The following SNTG1 variants were observed in gnomAD, a reference collection of about 807,000 sequenced individuals.
SNTG1 encodes the protein gamma-1-syntrophin.
SNTG1 carries 39 observed loss-of-function variants against 74.7 expected under a neutral mutation model. That is an observed-to-expected ratio of 0.52 (90% CI 0.40 to 0.68). SNTG1 has a LOEUF of 0.68. SNTG1 is among the 30% of genes least tolerant of loss of function. SNTG1 has a pLI of 0.00. For synonymous variants in SNTG1, 254 were observed against 217.1 expected (o/e 1.17, Z -1.49); for missense variants, 685 against 609.5 (o/e 1.12, Z -1.30).
At chr8:50,369,811 T>G (rs2092224337) in intron 2 of SNTG1, among the ~76,000 whole-genome samples, 1 of 152,200 alleles carries the variant, frequency 6.6e-6, no homozygotes, top group Admixed American at 6.5e-5. Context: ...GTATTTATTA[T>G]GGCAGCCCAA....
At chr8:50,260,915 T>A (rs963037313) in intron 2 of SNTG1, among the ~76,000 whole-genome samples, 4 of 151,880 alleles carry the variant, frequency 2.6e-5, no homozygotes, top group Admixed American at 2.6e-4. Context: ...ATAAATACAA[T>A]AGCTATAACA....
chr8:50,424,746 A>T (rs1299548196), intron 4 of SNTG1, among the ~76,000 whole-genome samples: 1 of 152,206 alleles, frequency 6.6e-6, no homozygotes, highest in Non-Finnish European at 1.5e-5. Flanking sequence ...GAGGAGTTTT[A>T]CTGTTCTTTA....
At chr8:50,232,088 T>A (rs923321807) in intron 2 of SNTG1, among the ~76,000 whole-genome samples, 11 of 151,400 alleles carry the variant, frequency 7.3e-5, no homozygotes, top group Non-Finnish European at 1.6e-4. Flanking sequence ...TTCATTTTAA[T>A]GAAGCTAGCA....
intron 1 of SNTG1, among the ~76,000 whole-genome samples, chr8:50,128,595 C>T (rs1349925830): frequency 6.6e-6 from 1 of 151,926 alleles, no homozygotes; most frequent in Non-Finnish European, 1.5e-5. Flanking sequence ...ATTCCAATAC[C>T]GTGACTTAAA....
chr8:50,763,330 G>C (rs1242304501), intron 18 of SNTG1, among the ~76,000 whole-genome samples: 1 of 151,818 alleles, frequency 6.6e-6, no homozygotes, highest in Non-Finnish European at 1.5e-5. Context: ...TAGAAAGGGG[G>C]TGTTTAGTTT....
chr8:50,084,129 T>C (rs571699455), intron 1 of SNTG1, among the ~76,000 whole-genome samples: 1 of 152,216 alleles, frequency 6.6e-6, no homozygotes, highest in Non-Finnish European at 1.5e-5. Flanking sequence ...TCGGGGGAAA[T>C]GTTGTGCTAA....
chr8:50,101,738 G>A (rs1368978772), intron 1 of SNTG1, among the ~76,000 whole-genome samples: 1 of 151,372 alleles, frequency 6.6e-6, no homozygotes, highest in African/African-American at 2.4e-5. Context: ...TCCCCAGAGT[G>A]TAATGTTCCC....
At chr8:50,099,837 G>GT (rs1042848802) in intron 1 of SNTG1, among the ~76,000 whole-genome samples, 12 of 151,954 alleles carry the variant, frequency 7.9e-5, no homozygotes, top group Non-Finnish European at 1.3e-4. Flanking sequence ...ATTATTTGCA[G>GT]TTTTTTTGCT....
chr8:50,449,585 C>A, intron 5 of SNTG1, 83 bp from the exon 6 acceptor site: 1 of 1,009,330 alleles, frequency 9.9e-7, no homozygotes, highest in Non-Finnish European at 1.4e-6. Flanking sequence ...CTTAACATTC[C>A]CTTCAGAGCC....
intron 2 of SNTG1, among the ~76,000 whole-genome samples, chr8:50,304,987 C>T (rs2089821045): frequency 6.6e-6 from 1 of 152,106 alleles, no homozygotes; most frequent in African/African-American, 2.4e-5. Flanking sequence ...ACTGCAACCT[C>T]CACCTCCCAG....
chr8:49,930,237 A>G (rs1291036583), intron 1 of SNTG1, among the ~76,000 whole-genome samples: 1 of 139,368 alleles, frequency 7.2e-6, no homozygotes, highest in Non-Finnish European at 1.5e-5. Flanking sequence ...ACAATACATA[A>G]AATAGAAAAC....
chr8:50,003,122 C>A (rs1263568226), intron 1 of SNTG1, among the ~76,000 whole-genome samples: 3 of 152,084 alleles, frequency 2.0e-5, no homozygotes, highest in African/African-American at 7.2e-5. Flanking sequence ...ATCTACTGGG[C>A]ACAAGCATTT....
intron 13 of SNTG1, among the ~76,000 whole-genome samples, chr8:50,633,691 C>T (rs910851755): frequency 3.9e-5 from 6 of 152,092 alleles, no homozygotes; most frequent in Non-Finnish European, 5.9e-5. Context: ...ACCATCCAAA[C>T]GAGCTGGGGA....
At chr8:50,619,359 G>A (rs1051863257) in intron 13 of SNTG1, among the ~76,000 whole-genome samples, 2 of 152,112 alleles carry the variant, frequency 1.3e-5, no homozygotes, top group African/African-American at 4.8e-5. Context: ...TCTGCTTTCT[G>A]TTCAGTGTTG....
intron 2 of SNTG1, among the ~76,000 whole-genome samples, chr8:50,257,639 G>A (rs958452722): frequency 3.3e-5 from 5 of 152,122 alleles, no homozygotes; most frequent in Non-Finnish European, 5.9e-5. Context: ...AGTCCTTGGC[G>A]ATGGCCTTGA....
chr8:50,574,413 C>T (rs960951316), intron 12 of SNTG1, among the ~76,000 whole-genome samples: 10 of 151,858 alleles, frequency 6.6e-5, no homozygotes, highest in African/African-American at 2.4e-4. Context: ...TAAACGTGTG[C>T]CTTAATTATA....
chr8:50,780,932 T>G (rs1427607794), intron 18 of SNTG1, among the ~76,000 whole-genome samples: 1 of 152,216 alleles, frequency 6.6e-6, no homozygotes, highest in Non-Finnish European at 1.5e-5. Context: ...TCAAAGAACA[T>G]CTTTATTTCT....
chr8:50,486,848 T>G (rs1013601124), intron 8 of SNTG1, among the ~76,000 whole-genome samples: 32 of 151,878 alleles, frequency 2.1e-4, no homozygotes, highest in African/African-American at 7.7e-4. Context: ...TTATTGAGAG[T>G]TTTTAGCATG....
rs527339037 is a variant in SNTG1, at chr8:49,984,757, G to C, written c.-103+72526G>C. ...GAAGAGAATCAGCATGCTAAGTACA[G>C]CATGCTAAGTATAGTTTAAGGAATT... On this transcript the variant is annotated intron_variant, in intron 1 of 18. Coordinates refer to ENST00000642720, the MANE Select transcript of SNTG1 (RefSeq NM_018967.5). Among the ~76,000 whole-genome samples, 301 of 152,242 alleles carry C rather than the reference G, an allele frequency of 2.0e-3. 4 individuals carry two copies. Among genetic ancestry groups the C allele is most frequent in the African/African-American group, 6.9e-3 (288 of 41,540 alleles).
Sources: gnomAD v4.1 joint callset for allele counts (sites outside exome capture counted in the v4.1 genomes callset) on GRCh38, gnomAD v4.1.1 for gene constraint, MANE v1.5 for transcripts, NCBI Gene and HGNC (gene_info 2026-07-23, HGNC 2026-07-21) for gene names.